RASAL1: variants seen among roughly 807,000 people sequenced by gnomAD.
RASAL1 encodes the protein RAS protein activator like 1.
In RASAL1, 72 loss-of-function variants were observed where a neutral mutation model predicts 96.6. The observed-to-expected ratio is 0.75, with a 90% CI of 0.62 to 0.91. RASAL1 has a LOEUF of 0.91. RASAL1 is among the 40% of genes least tolerant of loss of function. The pLI, the probability that RASAL1 is intolerant of heterozygous loss-of-function variation, is 0.00. For missense variants in RASAL1, 1,016 were observed against 1,072.5 expected (o/e 0.95, Z 0.74); for synonymous variants, 405 against 430.4 (o/e 0.94, Z 0.73).
In RASAL1 at chr12:113,129,624, T is replaced by C. The variant is rs911182007; in HGVS notation, c.122+1261A>G. On this transcript the variant is annotated intron_variant, in intron 2 of 20. Coordinates refer to ENST00000548055, the MANE Select transcript of RASAL1 (RefSeq NM_001301202.2). This position sits in a 1 kb window ranked among gnomAD's most constrained non-coding sequence, Gnocchi z 5.0. ...TGCCCGGTAAAGACACACCCACATT[T>C]GTGGATGCAAAGTTTGGTTCTCATA... 5.3e-5 allele frequency among the ~76,000 whole-genome samples: 8 copies of C among 152,194 alleles called. No individual in the cohort carries two copies. The highest frequency in any genetic ancestry group is 1.9e-4 in the African/African-American group (8 of 41,448).
At chr12:113,124,444 C>A (rs1489370747) in intron 4 of RASAL1, among the ~76,000 whole-genome samples, 1 of 152,148 alleles carries the variant, frequency 6.6e-6, no homozygotes, top group Non-Finnish European at 1.5e-5. Flanking sequence ...TTTCTTGCTG[C>A]CTGTTCTGTG....
intron 4 of RASAL1, among the ~76,000 whole-genome samples, chr12:113,124,723 A>C (rs1398776019): frequency 6.6e-6 from 1 of 152,340 alleles, no homozygotes; most frequent in East Asian, 1.9e-4. Flanking sequence ...GTGTGTTGAG[A>C]AGTAAAGCGC....
At chr12:113,107,308 C>G in intron 14 of RASAL1, 67 bp from the exon 15 acceptor site, 2 of 1,473,156 alleles carry the variant, frequency 1.4e-6, no homozygotes, top group Non-Finnish European at 1.8e-6. Flanking sequence ...CTCCTGGCTC[C>G]CAAATCAGTG....
intron 7 of RASAL1, among the ~76,000 whole-genome samples, chr12:113,118,515 T>TGTA (rs1317637905): frequency 6.6e-6 from 1 of 152,222 alleles, no homozygotes; most frequent in African/African-American, 2.4e-5. Context: ...CTTTGGGGTA[T>TGTA]GTACCTAAGA....
chr12:113,108,034 C>T (rs1270999879), intron 14 of RASAL1, 51 bp downstream of exon 14: 1 of 1,563,768 alleles, frequency 6.4e-7, no homozygotes, highest in Non-Finnish European at 8.6e-7. Flanking sequence ...TCCTACCATG[C>T]TTTTTTCCCT....
In RASAL1 at chr12:113,115,384, C is replaced by T. The variant is rs1191198869; in HGVS notation, c.1004-120G>A. The T allele has an allele frequency of 5.5e-6, 6 of 1,090,332 alleles. No homozygotes were observed. Among genetic ancestry groups the T allele is most frequent in the Non-Finnish European group, 8.4e-6 (6 of 714,750 alleles). 67.5% of individuals were successfully genotyped at this position (1,090,332 alleles called of 1,614,324 possible). ...CAAGAATCAGGAAGACCCAAAACAT[C>T]AACCCCATTCACAGTACAGAGGCCC... On this transcript the variant is annotated intron_variant, in intron 10 of 20. Coordinates refer to ENST00000548055, the MANE Select transcript of RASAL1 (RefSeq NM_001301202.2). The surrounding 1 kb of genome is among the most constrained non-coding windows in gnomAD (Gnocchi z 4.1).
At position 113,135,597 on chromosome 12, in the gene RASAL1, T is replaced by G; in HGVS notation, c.-135A>C. On this transcript the variant is annotated 5_prime_UTR_variant, in exon 1 of 21. Transcript: ENST00000548055. The surrounding 1 kb of genome is among the most constrained non-coding windows in gnomAD (Gnocchi z 5.7). ...CAGTGCCGCCTGTCCGAGACCCGGGTAGCTGGATGGGAGATTTCCGAAAGA... is the reference window on the plus strand; with the variant it reads ...CAGTGCCGCCTGTCCGAGACCCGGGGAGCTGGATGGGAGATTTCCGAAAGA... The G allele has an allele frequency of 4.7e-4, 305 of 649,110 alleles. No homozygotes were observed. Among genetic ancestry groups the G allele is most frequent in the Non-Finnish European group, 6.4e-4 (240 of 372,558 alleles). The allele number at this position is 649,110 out of a possible 1,614,324, so 40.2% of individuals were successfully genotyped here.
chr12:113,115,092 G>A lies in RASAL1; in HGVS notation c.1068+108C>T, dbSNP rs933262340. 9.5e-6 allele frequency: 12 copies of A among 1,267,772 alleles called. No homozygotes were observed. Among genetic ancestry groups the A allele is most frequent in the African/African-American group, 1.5e-5 (1 of 68,016 alleles). The allele number at this position is 1,267,772 out of a possible 1,614,324, so 78.5% of individuals were successfully genotyped here. ...GCACCAGCCGCCAGCACTGCAGCTC[G>A]GCTGCTCAGTGCTGTCTGAAGCCAG... is the stretch of plus-strand genomic sequence containing the variant. On this transcript the variant is annotated intron_variant, in intron 11 of 20. Coordinates refer to ENST00000548055, the MANE Select transcript of RASAL1 (RefSeq NM_001301202.2). This position sits in a 1 kb window ranked among gnomAD's most constrained non-coding sequence, Gnocchi z 4.1.
chr12:113,107,029 G>A (rs1215547674), intron 15 of RASAL1, 68 bp downstream of exon 15: 2 of 1,490,546 alleles, frequency 1.3e-6, no homozygotes, highest in African/African-American at 2.8e-5. Context: ...GAGGGGGAAA[G>A]GGGAAGTCCC....
intron 1 of RASAL1, among the ~76,000 whole-genome samples, 171 bp from the exon 2 acceptor site, chr12:113,131,112 G>T (rs990241203): frequency 5.3e-5 from 8 of 152,150 alleles, no homozygotes; most frequent in African/African-American, 1.9e-4. Context: ...ACCAGCAGGA[G>T]ATGTCACAGC....
At position 113,112,252 on chromosome 12, in the gene RASAL1, G is replaced by A. The variant is rs777531383; in HGVS notation, c.1208C>T (p.Ser403Leu). 6 of 1,264,820 alleles carry A rather than the reference G, an allele frequency of 4.7e-6. No individual in the cohort carries two copies. Among genetic ancestry groups the A allele is most frequent in the East Asian group, 3.1e-5 (1 of 32,752 alleles). The allele number at this position is 1,264,820 out of a possible 1,614,324, so 78.3% of individuals were successfully genotyped here. A position where few individuals can be genotyped will look rare whatever the true frequency, so the allele number is the denominator to read the frequency against. The change falls in exon 13 of 21, where the codon TCG becomes TTG. Residue 403 changes from serine to leucine, a missense_variant. Coordinates refer to ENST00000548055, the MANE Select transcript of RASAL1 (RefSeq NM_001301202.2). ...TRRISFKGAL[S>L]EEQMRETSLG... ...GCTGGTCTCCCGCATCTGCTCCTCC[G>A]AGAGTGCGCCTTTGAAGGAGATCCT... is the stretch of plus-strand genomic sequence containing the variant.
rs1951010907 is a variant in RASAL1, at chr12:113,114,734, C to T, written c.1181+66G>A. ...GGTGGCAGTCAGCATGAACCCAGCC[C>T]CCAGACAAGGCTCCGGGTAGCCAAA... On this transcript the variant is annotated intron_variant, in intron 12 of 20. Transcript: ENST00000548055. 7.8e-6 allele frequency: 11 copies of T among 1,407,346 alleles called. 1 individual carries two copies. The South Asian group carries it at 1.0e-4, about 13-fold the overall frequency. 87.2% of individuals were successfully genotyped at this position (1,407,346 alleles called of 1,614,324 possible). A position where few individuals can be genotyped will look rare whatever the true frequency, so the allele number is the denominator to read the frequency against.
chr12:113,101,796 G>A, intron 19 of RASAL1, 93 bp downstream of exon 19: 3 of 1,468,832 alleles, frequency 2.0e-6, no homozygotes, highest in Non-Finnish European at 1.8e-6. Flanking sequence ...CAACACACAT[G>A]GGAAGAATGA....
At position 113,114,862 on chromosome 12, in the gene RASAL1, A is replaced by G. The variant is rs1442699772; in HGVS notation, c.1119T>C (p.Arg373=). ...CCATGTACTTCTTCTCCTCAAAGAC[A>G]CGGCTAATCACAGGCTTCAGGACCT... ...LHEVLKPVIS[R]VFEEKKYMEL... is the part of the protein sequence containing the mutation. Residue 373 remains arginine, a synonymous_variant, in exon 12 of 21, where the codon CGT becomes CGC. Transcript: ENST00000548055. The G allele has an allele frequency of 1.5e-5, 25 of 1,614,088 alleles. No individual in the cohort carries two copies. The highest frequency in any genetic ancestry group is 2.1e-5 in the Non-Finnish European group (25 of 1,179,986).
Position 113,135,508 on chromosome 12 carries a change from G to A in RASAL1, c.-46C>T, listed in dbSNP as rs1348452041. On this transcript the variant is annotated 5_prime_UTR_variant, in exon 1 of 21. Coordinates refer to ENST00000548055, the MANE Select transcript of RASAL1 (RefSeq NM_001301202.2). This position sits in a 1 kb window ranked among gnomAD's most constrained non-coding sequence, Gnocchi z 5.7. ...CCAGGCAGAAGGGCGCTCAGGTTCCGAGGCTGGACCAGGGGACGTCTACAT... is the reference window on the plus strand; with the variant it reads ...CCAGGCAGAAGGGCGCTCAGGTTCCAAGGCTGGACCAGGGGACGTCTACAT... 3 of 1,526,488 alleles carry A rather than the reference G, an allele frequency of 2.0e-6. No homozygotes were observed. Among genetic ancestry groups the A allele is most frequent in the Admixed American group, 3.8e-5 (2 of 53,112 alleles). The allele number at this position is 1,526,488 out of a possible 1,614,324, so 94.6% of individuals were successfully genotyped here. A position where few individuals can be genotyped will look rare whatever the true frequency, so the allele number is the denominator to read the frequency against.
At chr12:113,117,732 C>G (rs993693812) in intron 7 of RASAL1, among the ~76,000 whole-genome samples, 1 of 152,174 alleles carries the variant, frequency 6.6e-6, no homozygotes, top group South Asian at 2.1e-4. Flanking sequence ...TTCGTGCCCC[C>G]CAGCCCCTGA....
chr12:113,113,642 A>AG (rs886321170), intron 12 of RASAL1, among the ~76,000 whole-genome samples: 1 of 152,184 alleles, frequency 6.6e-6, no homozygotes, highest in African/African-American at 2.4e-5. Flanking sequence ...CATCAGTAAG[A>AG]GGGGGTCATG....
Position 113,118,894 on chromosome 12 carries a change from G to C in RASAL1, c.642+234C>G, listed in dbSNP as rs143084883. Among the ~76,000 whole-genome samples, 255 of 152,308 alleles carry C rather than the reference G, an allele frequency of 1.7e-3. 2 individuals are homozygous for C. The highest frequency in any genetic ancestry group is 5.9e-3 in the African/African-American group (244 of 41,576). On this transcript the variant is annotated intron_variant, in intron 7 of 20. Transcript: ENST00000548055. ...CTGTCATGCTCTCATCCCAGAATGA[G>C]AATCTGGGCCCGTCCTGTGATCTTG...
At chr12:113,108,863 C>G (rs1380858321) in intron 13 of RASAL1, among the ~76,000 whole-genome samples, 1 of 125,980 alleles carries the variant, frequency 7.9e-6, no homozygotes, top group African/African-American at 3.0e-5. Context: ...GAGGCAGAGT[C>G]TTGCTCTGTT....
Sources: gnomAD v4.1 joint callset for allele counts (sites outside exome capture counted in the v4.1 genomes callset) on GRCh38, gnomAD v4.1.1 for gene constraint, Gnocchi (gnomAD v3.1) non-coding constraint, MANE v1.5 for transcripts, NCBI Gene and HGNC (gene_info 2026-07-23, HGNC 2026-07-21) for gene names.